Variants in ABI2 observed in about 807,000 individuals in gnomAD.
ABI2 encodes the protein abl interactor 2.
A neutral mutation model predicts 59.2 loss-of-function variants in ABI2; 25 were observed. The ratio of observed to expected loss-of-function variants is 0.42; its 90% CI spans 0.31 to 0.59. The LOEUF (loss-of-function observed/expected upper bound fraction) is 0.59. ABI2 is among the 20% of genes least tolerant of loss of function. ABI2 has a pLI of 0.14. For synonymous variants in ABI2, 213 were observed against 235.5 expected (o/e 0.90, Z 0.87); for missense variants, 545 against 681.8 (o/e 0.80, Z 2.23).
At chr2:203,378,446 G>A (rs1035315461) in intron 2 of ABI2, among the ~76,000 whole-genome samples, 1 of 152,108 alleles carries the variant, frequency 6.6e-6, no homozygotes, top group Admixed American at 6.5e-5. Context: ...AAAATTGTAA[G>A]ATTACTACCA....
chr2:203,384,284 G>GTTTTTGTTTTTGTTTTTGTTTT lies in ABI2; in HGVS notation c.480+2089_480+2090insGTTTTTGTTTTTTTTTGTTTTT, dbSNP rs1559288743. 7.9e-3 allele frequency among the ~76,000 whole-genome samples: 383 copies of GTTTTTGTTTTTGTTTTTGTTTT among 48,452 alleles called. 13 individuals carry two copies. Among genetic ancestry groups the GTTTTTGTTTTTGTTTTTGTTTT allele is most frequent in the African/African-American group, 0.025 (251 of 10,244 alleles). The allele number at this position is 48,452 out of a possible 152,430, so 31.8% of individuals were successfully genotyped here. ...GTTCCTGTTCCATACTCTTGTTTTTGTTTTTGTTTTTTTTTTTTTTTTTTT... is the reference window on the plus strand; with the variant it reads ...GTTCCTGTTCCATACTCTTGTTTTTGTTTTTGTTTTTGTTTTTGTTTTTTTTTGTTTTTTTTTTTTTTTTTTT... On this transcript the variant is annotated intron_variant, in intron 4 of 11. Coordinates refer to ENST00000261018, the MANE Select transcript of ABI2 (RefSeq NM_001375670.1).
At chr2:203,368,262 A>G (rs903394447) in intron 2 of ABI2, among the ~76,000 whole-genome samples, 11 of 152,204 alleles carry the variant, frequency 7.2e-5, no homozygotes, top group Non-Finnish European at 1.5e-4. Flanking sequence ...TGCAATTTAA[A>G]AAATATAAAA....
intron 6 of ABI2, 109 bp from the exon 7 acceptor site, chr2:203,395,547 T>G (rs997875539): frequency 9.6e-5 from 122 of 1,267,468 alleles, no homozygotes; most frequent in Non-Finnish European, 1.2e-4. Flanking sequence ...GTGGTACGCT[T>G]TTGAATTACC....
chr2:203,385,874 C>G (rs531728653), intron 4 of ABI2, among the ~76,000 whole-genome samples: 114 of 152,298 alleles, frequency 7.5e-4, no homozygotes, highest in Middle Eastern at 3.4e-3. Flanking sequence ...TTACCTGTTT[C>G]TCTTTCCTCT....
chr2:203,424,229 C>G (rs573566220), intron 11 of ABI2, among the ~76,000 whole-genome samples: 1 of 152,136 alleles, frequency 6.6e-6, no homozygotes, highest in African/African-American at 2.4e-5. Flanking sequence ...TATTACACCG[C>G]TTTAGAGTTA....
chr2:203,352,252 A>G lies in ABI2; in HGVS notation c.118-14625A>G, dbSNP rs139009732. 6.6e-4 allele frequency among the ~76,000 whole-genome samples: 101 copies of G among 152,292 alleles called. 1 individual carries two copies. The highest frequency in any genetic ancestry group is 3.4e-3 in the Middle Eastern group (1 of 294). On this transcript the variant is annotated intron_variant, in intron 1 of 11. Transcript: ENST00000261018. ...AGATGGAAGGACGGCTTGAGTTCAGAAGTTCAAGGTTACAGTGATAATAAT... is the reference window on the plus strand; with the variant it reads ...AGATGGAAGGACGGCTTGAGTTCAGGAGTTCAAGGTTACAGTGATAATAAT...
Position 203,366,914 on chromosome 2 carries a change from C to G in ABI2, c.155C>G (p.Ala52Gly), listed in dbSNP as rs2094503895. The G allele has an allele frequency of 6.2e-7, 1 of 1,610,738 alleles. No homozygotes were observed. Among genetic ancestry groups the G allele is most frequent in the African/African-American group, 1.3e-5 (1 of 74,800 alleles). ...DKQRALEETK[A>G]YTTQSLASVA... ...CAGAGAGCCCTAGAAGAAACCAAAG[C>G]CTACACCACCCAATCCTTAGCAAGT... Residue 52 changes from alanine to glycine, a missense_variant, in exon 2 of 12, where the codon GCC becomes GGC. Around this residue, in one of 4 missense-constraint regions of ABI2, gnomAD observed 36 missense variants for 80.0 expected, o/e 0.45. Coordinates refer to ENST00000261018, the MANE Select transcript of ABI2 (RefSeq NM_001375670.1).
chr2:203,417,524 C>CT (rs527737227), intron 11 of ABI2, among the ~76,000 whole-genome samples: 84 of 152,300 alleles, frequency 5.5e-4, no homozygotes, highest in African/African-American at 2.0e-3. Flanking sequence ...TTGGGCATTT[C>CT]TTTTAGTGAA....
chr2:203,400,329 T>G (rs911282759), intron 8 of ABI2, among the ~76,000 whole-genome samples: 1 of 151,984 alleles, frequency 6.6e-6, no homozygotes, highest in African/African-American at 2.4e-5. Context: ...TCTGAAATGA[T>G]CCACCCGCCT....
chr2:203,342,169 T>G (rs1411235687), intron 1 of ABI2: 1 of 452,944 alleles, frequency 2.2e-6, no homozygotes, highest in African/African-American at 2.0e-5. Flanking sequence ...ATTATATGTT[T>G]TTTTCCTTCC....
At chr2:203,368,850 C>A (rs2094782801) in intron 2 of ABI2, among the ~76,000 whole-genome samples, 1 of 151,644 alleles carries the variant, frequency 6.6e-6, no homozygotes, top group Non-Finnish European at 1.5e-5. Flanking sequence ...AAAGTCTTGC[C>A]CTGTTTCCCA....
rs777521489 is a variant in ABI2, at chr2:203,416,905, T to C, written c.1280-3T>C. 2.5e-6 allele frequency: 4 copies of C among 1,607,822 alleles called. No homozygotes were observed. The Admixed American group carries it at 6.8e-5, about 27-fold the overall frequency. ...TTTTGTTGTCAGCCTGATACGTTCT[T>C]AGTTTCAGATACACCACCTCCACCG... On this transcript the variant is annotated splice_region_variant and splice_polypyrimidine_tract_variant and intron_variant, in intron 10 of 11. Transcript: ENST00000261018.
intron 6 of ABI2, among the ~76,000 whole-genome samples, chr2:203,395,448 T>TATATATACACACACACACAC (rs750379504): frequency 5.2e-5 from 6 of 115,326 alleles, no homozygotes; most frequent in African/African-American, 1.5e-4. Context: ...TATATATATA[T>TATATATACACACACACACAC]ACACACACAC....
At chr2:203,354,463 C>G (rs1381091335) in intron 1 of ABI2, among the ~76,000 whole-genome samples, 1 of 152,152 alleles carries the variant, frequency 6.6e-6, no homozygotes, top group Non-Finnish European at 1.5e-5. Flanking sequence ...ATGTATGAAT[C>G]TTATATGAAC....
intron 1 of ABI2, among the ~76,000 whole-genome samples, chr2:203,357,639 A>G (rs1431860371): frequency 6.6e-6 from 1 of 152,250 alleles, no homozygotes; most frequent in African/African-American, 2.4e-5. Context: ...ACATATTTTA[A>G]AAGTGTCATG....
At chr2:203,335,719 C>A (rs1242026066) in intron 1 of ABI2, among the ~76,000 whole-genome samples, 1 of 151,926 alleles carries the variant, frequency 6.6e-6, no homozygotes, top group Non-Finnish European at 1.5e-5. Context: ...CTTTTTTCTT[C>A]TTAAGTAATA....
intron 11 of ABI2, among the ~76,000 whole-genome samples, chr2:203,425,737 C>T (rs2098408583): frequency 6.6e-6 from 1 of 152,120 alleles, no homozygotes; most frequent in African/African-American, 2.4e-5. Context: ...AAAGTATTTT[C>T]TGACCAGGTG....
At chr2:203,355,829 CA>C (rs771519788) in intron 1 of ABI2, among the ~76,000 whole-genome samples, 29,567 of 68,732 alleles carry the variant, frequency 0.43, 3,467 homozygotes, top group Middle Eastern at 0.65. Context: ...AAAACTGTCT[CA>C]AAAAAAAAAA....
chr2:203,407,699 C>T (rs918209932), intron 9 of ABI2, among the ~76,000 whole-genome samples: 1 of 152,108 alleles, frequency 6.6e-6, no homozygotes, highest in African/African-American at 2.4e-5. Flanking sequence ...GTTTGGAGAT[C>T]TTTTGGTGGT....
Sources: allele counts gnomAD v4.1 joint callset (sites outside exome capture counted in the v4.1 genomes callset), GRCh38; gene constraint gnomAD v4.1.1; regional missense constraint gnomAD v4.1.1; transcripts MANE v1.5; gene names NCBI Gene and HGNC (gene_info 2026-07-23, HGNC 2026-07-21).